The following KIAA0825 variants were observed in gnomAD, a reference collection of about 807,000 sequenced individuals.
KIAA0825 encodes uncharacterized protein KIAA0825.
In KIAA0825, 119 loss-of-function variants were observed where a neutral mutation model predicts 147.6. That is an observed-to-expected ratio of 0.81 (90% CI 0.69 to 0.94). KIAA0825 has a LOEUF of 0.94. KIAA0825 is among the 40% of genes least tolerant of loss of function. The pLI, the probability that KIAA0825 is intolerant of heterozygous loss-of-function variation, is 0.00. For synonymous variants in KIAA0825, 470 were observed against 518.1 expected, an observed-to-expected ratio of 0.91 and a Z score of 1.26; for missense variants, 1,381 against 1,472.7, an observed-to-expected ratio of 0.94 and a Z score of 1.02.
intron 17 of KIAA0825, among the ~76,000 whole-genome samples, 200 bp downstream of exon 17, chr5:94,395,901 G>A (rs559918311): frequency 1.3e-5 from 2 of 152,170 alleles, no homozygotes; most frequent in South Asian, 4.2e-4. Flanking sequence ...TGTCAATGGG[G>A]TTCACATTTT....
At chr5:94,410,036 G>A (rs182825455) in intron 15 of KIAA0825, among the ~76,000 whole-genome samples, 56 of 152,014 alleles carry the variant, frequency 3.7e-4, no homozygotes, top group Middle Eastern at 3.4e-3. Flanking sequence ...AAGAGATGAT[G>A]GAACGAGCAA....
intron 4 of KIAA0825, among the ~76,000 whole-genome samples, chr5:94,521,634 A>G (rs1378996074): frequency 1.3e-5 from 2 of 151,756 alleles, no homozygotes; most frequent in African/African-American, 4.8e-5. Context: ...AAAAGATGAT[A>G]TGAAATTATT....
chr5:94,304,462 G>A (rs1192416816), intron 20 of KIAA0825, among the ~76,000 whole-genome samples: 1 of 152,160 alleles, frequency 6.6e-6, no homozygotes, highest in South Asian at 2.1e-4. Context: ...GGAAGATGCC[G>A]ATCTGGTTGA....
At chr5:94,569,481 C>G (rs1490343269) in intron 2 of KIAA0825, 2 of 410,730 alleles carry the variant, frequency 4.9e-6, no homozygotes, top group Admixed American at 4.4e-5. Flanking sequence ...CTCGCACGGA[C>G]TACAACCACG....
At chr5:94,310,799 A>G (rs957439329) in intron 20 of KIAA0825, among the ~76,000 whole-genome samples, 1 of 151,716 alleles carries the variant, frequency 6.6e-6, no homozygotes, top group Non-Finnish European at 1.5e-5. Flanking sequence ...ACCATTATGT[A>G]TAATATATAA....
intron 2 of KIAA0825, among the ~76,000 whole-genome samples, chr5:94,573,975 C>T (rs75992043): frequency 0.017 from 2,586 of 152,228 alleles, 65 homozygotes; most frequent in African/African-American, 0.059. Flanking sequence ...GACCTTAGTC[C>T]TCATAAATAT....
At chr5:94,247,788 A>C (rs867951251) in intron 20 of KIAA0825, among the ~76,000 whole-genome samples, 1 of 152,134 alleles carries the variant, frequency 6.6e-6, no homozygotes, top group South Asian at 2.1e-4. Context: ...CCTTTTTAGC[A>C]TGGGAAAAAG....
At chr5:94,569,076 C>G in intron 2 of KIAA0825, 1 of 171,144 alleles carries the variant, frequency 5.8e-6, no homozygotes, top group South Asian at 1.8e-4. Context: ...ATGCTGGCCC[C>G]TCCCCTTCAT....
chr5:94,168,809 A>G (rs1178526479), intron 20 of KIAA0825, among the ~76,000 whole-genome samples: 1 of 152,192 alleles, frequency 6.6e-6, no homozygotes, highest in East Asian at 1.9e-4. Context: ...TAATGAATCA[A>G]AAGAAAAGGT....
chr5:94,583,652 G>C (rs1373314593), intron 1 of KIAA0825, among the ~76,000 whole-genome samples: 2 of 152,194 alleles, frequency 1.3e-5, no homozygotes, highest in Non-Finnish European at 2.9e-5. Flanking sequence ...GTCCCTGCCT[G>C]ACAGCTCTGA....
chr5:94,574,360 T>C (rs1394095736), intron 2 of KIAA0825, among the ~76,000 whole-genome samples: 2 of 151,590 alleles, frequency 1.3e-5, no homozygotes, highest in Non-Finnish European at 1.5e-5. Context: ...CTGGCCAACA[T>C]AGTGAAACCC....
Position 94,586,736 on chromosome 5 carries a change from C to T in KIAA0825, c.-152-4153G>A, listed in dbSNP as rs183857060. Among the ~76,000 whole-genome samples, 3 of 152,076 alleles carry T rather than the reference C, an allele frequency of 2.0e-5. No homozygotes were observed. In the East Asian group the frequency reaches 5.8e-4, roughly 29 times the overall value. Reference sequence around the variant, plus strand: ...ATACCAAAGCCTGGCAGAGACCCAACAAAAAAAGAGAATTTTAGACCAATA... The same window carrying T: ...ATACCAAAGCCTGGCAGAGACCCAATAAAAAAAGAGAATTTTAGACCAATA... On this transcript the variant is annotated intron_variant, in intron 1 of 20. Transcript: ENST00000682413.
intron 20 of KIAA0825, among the ~76,000 whole-genome samples, chr5:94,254,532 C>CA (rs1776140951): frequency 6.6e-6 from 1 of 152,104 alleles, no homozygotes; most frequent in Non-Finnish European, 1.5e-5. Flanking sequence ...GACAATTGTA[C>CA]AAAAATGAGG....
At chr5:94,538,273 T>C (rs1423445259) in intron 2 of KIAA0825, among the ~76,000 whole-genome samples, 1 of 152,232 alleles carries the variant, frequency 6.6e-6, no homozygotes, top group Non-Finnish European at 1.5e-5. Flanking sequence ...GAGTGTGAGC[T>C]ATTTTATTTA....
Position 94,484,838 on chromosome 5 carries a change from GT to G in KIAA0825, c.1062del (p.Lys354AsnfsTer19), listed in dbSNP as rs1364334360. 1.3e-6 allele frequency: 2 copies of G among 1,531,714 alleles called. No homozygotes were observed. Among genetic ancestry groups the G allele is most frequent in the Non-Finnish European group, 1.8e-6 (2 of 1,133,618 alleles). The allele number at this position is 1,531,714 out of a possible 1,614,324, so 94.9% of individuals were successfully genotyped here. A position where few individuals can be genotyped will look rare whatever the true frequency, so the allele number is the denominator to read the frequency against. On this transcript the variant is annotated frameshift_variant, in exon 6 of 21. Coordinates refer to ENST00000682413, the MANE Select transcript of KIAA0825 (RefSeq NM_001145678.3). LOFTEE classifies it high-confidence loss of function. The part of the protein sequence containing the change: ...FLSQLIKSFM[K>X]LEKGVQELFD... ...AACAATTCTTGAACACCTTTTTCCA[GT>G]TTCATAAAGGATTTTATGAGCTGCG...
chr5:94,259,213 A>G (rs1776379269), intron 20 of KIAA0825, among the ~76,000 whole-genome samples: 1 of 152,092 alleles, frequency 6.6e-6, no homozygotes, highest in Non-Finnish European at 1.5e-5. Context: ...TATTTAAATT[A>G]TTAAGACTGA....
chr5:94,213,264 G>C (rs1395774340), intron 20 of KIAA0825, among the ~76,000 whole-genome samples: 2 of 151,814 alleles, frequency 1.3e-5, no homozygotes, highest in Non-Finnish European at 2.9e-5. Flanking sequence ...CTTTTTCTCT[G>C]GTTTCATAAA....
At chr5:94,426,403 C>A (rs1379849323) in intron 14 of KIAA0825, among the ~76,000 whole-genome samples, 1 of 152,094 alleles carries the variant, frequency 6.6e-6, no homozygotes, top group Non-Finnish European at 1.5e-5. Flanking sequence ...ACGTCATTGG[C>A]TGCAACATGG....
At chr5:94,185,284 A>G (rs1205254836) in intron 20 of KIAA0825, among the ~76,000 whole-genome samples, 1 of 152,206 alleles carries the variant, frequency 6.6e-6, no homozygotes, top group Non-Finnish European at 1.5e-5. Context: ...TTTGAATTAT[A>G]TTTCATATAC....
Sources: gnomAD v4.1 joint callset for allele counts (sites outside exome capture counted in the v4.1 genomes callset) on GRCh38, gnomAD v4.1.1 for gene constraint, MANE v1.5 for transcripts, NCBI Gene and HGNC (gene_info 2026-07-23, HGNC 2026-07-21) for gene names.